The following BTNL8 variants were observed in gnomAD, a reference collection of about 807,000 sequenced individuals.
The protein encoded by BTNL8 is butyrophilin like 8.
In BTNL8, 22 loss-of-function variants were observed where a neutral mutation model predicts 36.1. That is an observed-to-expected ratio of 0.61 (90% CI 0.44 to 0.87). The LOEUF is 0.87. Among genes scored for constraint, BTNL8 ranks in the 40% least tolerant of loss-of-function variants. The probability of loss-of-function intolerance (pLI) is 0.00; values close to 1 mark genes in which losing one functional copy is unlikely to be tolerated. For missense variants in BTNL8, 526 were observed against 616.9 expected (o/e 0.85, Z 1.56); for synonymous variants, 203 against 235.6 (o/e 0.86, Z 1.27).
At chr5:180,945,363 A>C (rs1759184576) in intron 3 of BTNL8, among the ~76,000 whole-genome samples, 1 of 152,252 alleles carries the variant, frequency 6.6e-6, no homozygotes, top group African/African-American at 2.4e-5. Context: ...AACTGCTAGA[A>C]GAAAATATAT....
chr5:180,950,090 A>G lies in BTNL8; in HGVS notation c.1049A>G (p.Asn350Ser), dbSNP rs1429414124. Residue 350 changes from asparagine (N) to serine (S), a missense_variant, in exon 8 of 8, where the codon AAT (asparagine) becomes AGT (serine). This residue lies in a region of BTNL8 where 176 missense variants were observed against 292.3 expected (regional missense o/e 0.60). Transcript: ENST00000340184. The part of the protein sequence containing the change: ...KHYWEVDGGH[N>S]KRWRVGVCRD... Reference sequence around the variant, plus strand: ...TACTGGGAGGTGGACGGAGGACACAATAAAAGGTGGCGCGTGGGAGTGTGC... The same window carrying G: ...TACTGGGAGGTGGACGGAGGACACAGTAAAAGGTGGCGCGTGGGAGTGTGC... 7 of 1,463,180 alleles carry G rather than the reference A, an allele frequency of 4.8e-6. 2 individuals carry two copies. The highest frequency in any genetic ancestry group is 6.6e-6 in the Non-Finnish European group (7 of 1,058,888). 90.6% of individuals were successfully genotyped at this position (1,463,180 alleles called of 1,614,324 possible).
intron 1 of BTNL8, among the ~76,000 whole-genome samples, chr5:180,905,852 C>G (rs1371639299): frequency 5.3e-5 from 8 of 151,386 alleles, no homozygotes; most frequent in South Asian, 2.1e-4. Context: ...ATTCTTAATC[C>G]TGAGTTCTAG....
chr5:180,945,913 C>T (rs1759215582), intron 3 of BTNL8: 3 of 310,292 alleles, frequency 9.7e-6, no homozygotes, highest in Admixed American at 5.4e-5. Flanking sequence ...ACTAAGTGCT[C>T]TTCCTTGAAT....
chr5:180,910,692 A>G (rs1343036171), intron 2 of BTNL8, among the ~76,000 whole-genome samples: 3 of 151,932 alleles, frequency 2.0e-5, no homozygotes, highest in Non-Finnish European at 4.4e-5. Context: ...CCCCCACACC[A>G]CTGGCTGCCA....
At chr5:180,908,332 G>A (rs377668021) in intron 1 of BTNL8, among the ~76,000 whole-genome samples, 51 of 152,304 alleles carry the variant, frequency 3.3e-4, no homozygotes, top group East Asian at 2.9e-3. Context: ...GACCCCTTGC[G>A]CTTCCCGAGT....
chr5:180,919,034 T>G (rs777706568), intron 3 of BTNL8, among the ~76,000 whole-genome samples: 10 of 152,206 alleles, frequency 6.6e-5, no homozygotes, highest in Non-Finnish European at 1.0e-4. Flanking sequence ...GAAAGGGAAA[T>G]TTACATTCTG....
chr5:180,923,838 T>C (rs1757978580), intron 3 of BTNL8, among the ~76,000 whole-genome samples: 1 of 152,160 alleles, frequency 6.6e-6, no homozygotes, highest in African/African-American at 2.4e-5. Flanking sequence ...CATTGCATTT[T>C]ATACACCAGC....
intron 3 of BTNL8, among the ~76,000 whole-genome samples, chr5:180,918,421 T>C (rs941161156): frequency 1.3e-5 from 2 of 152,248 alleles, no homozygotes; most frequent in African/African-American, 4.8e-5. Flanking sequence ...TGTATAATTA[T>C]GTTAACAAAC....
chr5:180,905,539 T>G (rs1757041755), intron 1 of BTNL8, among the ~76,000 whole-genome samples: 1 of 94,532 alleles, frequency 1.1e-5, no homozygotes, highest in Non-Finnish European at 2.0e-5. Context: ...AGTTCTGCTC[T>G]GATTTTAGTT....
intron 3 of BTNL8, among the ~76,000 whole-genome samples, chr5:180,931,813 T>C (rs1010049761): frequency 1.3e-5 from 2 of 152,180 alleles, no homozygotes; most frequent in Admixed American, 6.5e-5. Flanking sequence ...AAACAACCCA[T>C]GCTGGAGAGA....
intron 4 of BTNL8, 55 bp from the exon 5 acceptor site, chr5:180,948,300 G>A: frequency 6.8e-7 from 1 of 1,464,856 alleles, no homozygotes; most frequent in East Asian, 2.4e-5. Flanking sequence ...CCAGCGTCGT[G>A]TTTGTGCCTT....
rs769176293 is a variant in BTNL8, at chr5:180,908,753, C to A, written c.217C>A (p.Gln73Lys). The stretch of plus-strand genomic sequence containing the variant: ...CCACCTCTACAGGGACGGGAAGGAC[C>A]AGCCATTTATGCAGATGCCACAGTA... ...VVHLYRDGKD[Q>K]PFMQMPQYQG... Residue 73 changes from glutamine to lysine, a missense_variant, in exon 2 of 8, where the codon CAG becomes AAG. Gln to Lys is a moderately conservative substitution (Grantham distance 53). Transcript: ENST00000340184. The A allele has an allele frequency of 1.2e-6, 2 of 1,614,164 alleles. No individual in the cohort carries two copies. The highest frequency in any genetic ancestry group is 2.2e-5 in the South Asian group (2 of 91,086).
chr5:180,934,248 G>C (rs147820797), intron 3 of BTNL8, among the ~76,000 whole-genome samples: 2,431 of 152,266 alleles, frequency 0.016, 73 homozygotes, highest in African/African-American at 0.055. Flanking sequence ...ACCCTTTCAT[G>C]ATTAAAAATC....
At chr5:180,901,889 A>G (rs193176992) in intron 1 of BTNL8, among the ~76,000 whole-genome samples, 5 of 152,340 alleles carry the variant, frequency 3.3e-5, no homozygotes, top group Admixed American at 3.3e-4. Context: ...TAAAGAACAA[A>G]TTTACAGAAA....
At chr5:180,908,037 T>C (rs1757180361) in intron 1 of BTNL8, among the ~76,000 whole-genome samples, 2 of 152,226 alleles carry the variant, frequency 1.3e-5, no homozygotes, top group South Asian at 4.1e-4. Context: ...TGAGCTGTGG[T>C]GGGCTCCACC....
chr5:180,907,890 C>A (rs912705268), intron 1 of BTNL8, among the ~76,000 whole-genome samples: 5 of 151,578 alleles, frequency 3.3e-5, no homozygotes, highest in African/African-American at 1.2e-4. Context: ...AGATCTCCAG[C>A]TGCGTGCTGG....
At chr5:180,939,380 GA>G (rs570660769) in intron 3 of BTNL8, among the ~76,000 whole-genome samples, 10 of 145,282 alleles carry the variant, frequency 6.9e-5, no homozygotes, top group Admixed American at 4.1e-4. Flanking sequence ...CACACAAAAG[GA>G]AAAAAAAACA....
intron 2 of BTNL8, among the ~76,000 whole-genome samples, chr5:180,909,343 T>C (rs1757276029): frequency 6.6e-6 from 1 of 152,272 alleles, no homozygotes; most frequent in South Asian, 2.1e-4. Context: ...TCCAAATTAT[T>C]GCTTGTATCG....
At chr5:180,912,863 T>C (rs192488268) in intron 3 of BTNL8, among the ~76,000 whole-genome samples, 6 of 152,272 alleles carry the variant, frequency 3.9e-5, no homozygotes, top group Admixed American at 2.6e-4. Flanking sequence ...GGCTGGTTGC[T>C]CCTATTCTTG....
Sources: allele counts gnomAD v4.1 joint callset (sites outside exome capture counted in the v4.1 genomes callset), GRCh38; gene constraint gnomAD v4.1.1; regional missense constraint gnomAD v4.1.1; transcripts MANE v1.5; gene names NCBI Gene and HGNC (gene_info 2026-07-23, HGNC 2026-07-21).